Variants in HDAC9 observed in about 807,000 individuals in gnomAD.
HDAC9 encodes MEF-2 interacting transcription repressor (MITR) protein.
In HDAC9, 41 loss-of-function variants were observed where a neutral mutation model predicts 139.4. The observed-to-expected ratio is 0.29, with a 90% CI of 0.23 to 0.38. The LOEUF (loss-of-function observed/expected upper bound fraction) is 0.38, where lower values mean the gene tolerates loss of function less well. Among genes scored for constraint, HDAC9 ranks in the 10% least tolerant of loss-of-function variants. The probability of loss-of-function intolerance (pLI) is 1.00; values close to 1 mark genes in which losing one functional copy is unlikely to be tolerated. For synonymous variants in HDAC9, 517 were observed against 476.2 expected (o/e 1.09, Z -1.12); for missense variants, 1,147 against 1,297.0 (o/e 0.88, Z 1.78).
At chr7:18,891,680 C>T (rs1800694950) in intron 22 of HDAC9, among the ~76,000 whole-genome samples, 1 of 152,108 alleles carries the variant, frequency 6.6e-6, no homozygotes, top group South Asian at 2.1e-4. Flanking sequence ...AGATATTTAG[C>T]AATGGGAAAG....
intron 2 of HDAC9, chr7:18,509,152 G>T: frequency 2.5e-6 from 1 of 402,192 alleles, no homozygotes; most frequent in Non-Finnish European, 3.4e-6. Flanking sequence ...AAACATTTTT[G>T]AGGGACTGAC....
intron 12 of HDAC9, chr7:18,667,409 T>G: frequency 2.0e-6 from 2 of 983,504 alleles, no homozygotes; most frequent in Non-Finnish European, 2.4e-6. Context: ...CTCTTAAGTA[T>G]AATTCCATAA....
chr7:18,384,553 G>C (rs914032404), intron 1 of HDAC9, among the ~76,000 whole-genome samples: 3 of 151,780 alleles, frequency 2.0e-5, no homozygotes, highest in Non-Finnish European at 4.4e-5. Context: ...GCTTATTTTT[G>C]AATTCCCTTA....
intron 24 of HDAC9, among the ~76,000 whole-genome samples, chr7:18,964,042 C>T (rs977829575): frequency 2.0e-4 from 30 of 152,200 alleles, no homozygotes; most frequent in Admixed American, 5.9e-4. Context: ...GGACAAACAA[C>T]TTTCCCTAAC....
At chr7:18,433,231 G>A (rs1396842556) in intron 1 of HDAC9, among the ~76,000 whole-genome samples, 1 of 152,122 alleles carries the variant, frequency 6.6e-6, no homozygotes, top group Admixed American at 6.5e-5. Context: ...ACTAGGCATT[G>A]AAGGAACATA....
At chr7:18,401,544 T>C (rs1434640229) in intron 1 of HDAC9, among the ~76,000 whole-genome samples, 2 of 152,204 alleles carry the variant, frequency 1.3e-5, no homozygotes, top group African/African-American at 4.8e-5. Flanking sequence ...ATGGTGGTGA[T>C]CATGGTATTC....
At chr7:18,174,535 G>A (rs1478305702) in intron 2 of HDAC9, among the ~76,000 whole-genome samples, 1 of 152,160 alleles carries the variant, frequency 6.6e-6, no homozygotes, top group Middle Eastern at 3.2e-3. Context: ...GAGGTGCTCT[G>A]GATTTTAGAA....
chr7:18,325,691 TAATA>T (rs1246779908), intron 1 of HDAC9: 1 of 151,876 alleles, frequency 6.6e-6, no homozygotes, highest in Non-Finnish European at 1.5e-5. Context: ...CAAAAAAAAA[TAATA>T]AAATAAGTGT....
intron 1 of HDAC9, among the ~76,000 whole-genome samples, chr7:18,089,055 A>G (rs991093053): frequency 2.0e-5 from 3 of 152,370 alleles, no homozygotes; most frequent in South Asian, 2.1e-4. Flanking sequence ...GACCTTTGAT[A>G]AACTGCCAGC....
At chr7:18,747,491 A>G (rs1048284609) in intron 13 of HDAC9, among the ~76,000 whole-genome samples, 3 of 152,216 alleles carry the variant, frequency 2.0e-5, no homozygotes, top group Admixed American at 2.0e-4. Context: ...ACAATGGCAG[A>G]TCTTGATGTC....
At chr7:18,176,643 TA>T (rs1399853328) in intron 2 of HDAC9, among the ~76,000 whole-genome samples, 3 of 152,208 alleles carry the variant, frequency 2.0e-5, no homozygotes, top group Non-Finnish European at 4.4e-5. Context: ...TCTGTTTGGG[TA>T]ATTTTTTAAA....
At chr7:18,400,286 G>A (rs1787418021) in intron 1 of HDAC9, among the ~76,000 whole-genome samples, 1 of 152,166 alleles carries the variant, frequency 6.6e-6, no homozygotes, top group Non-Finnish European at 1.5e-5. Context: ...GTGTGAGAGA[G>A]GTTTTGGATT....
intron 16 of HDAC9, among the ~76,000 whole-genome samples, chr7:18,788,803 G>A (rs1010035047): frequency 4.0e-5 from 6 of 149,408 alleles, no homozygotes; most frequent in African/African-American, 9.8e-5. Context: ...AAGGCTCACC[G>A]ACCATTTTGT....
intron 1 of HDAC9, chr7:18,325,411 G>A (rs894987314): frequency 1.3e-5 from 2 of 152,036 alleles, no homozygotes; most frequent in Non-Finnish European, 2.9e-5. Flanking sequence ...ACCATTACAA[G>A]TTACTAGAAC....
chr7:18,434,740 A>G (rs13235862), intron 1 of HDAC9, among the ~76,000 whole-genome samples: 4 of 152,176 alleles, frequency 2.6e-5, no homozygotes, highest in Non-Finnish European at 5.9e-5. Context: ...TCAAAAAATA[A>G]CAAATGCTGA....
chr7:18,345,918 A>G (rs1769592858), intron 1 of HDAC9, among the ~76,000 whole-genome samples: 1 of 152,054 alleles, frequency 6.6e-6, no homozygotes, highest in Admixed American at 6.6e-5. Context: ...TTTCTCTTCA[A>G]GGAGCCGCAT....
chr7:18,339,339 G>T (rs556066211), intron 1 of HDAC9, among the ~76,000 whole-genome samples: 2 of 150,800 alleles, frequency 1.3e-5, no homozygotes, highest in Admixed American at 1.3e-4. Context: ...TTCTAGTTTC[G>T]TAAAGTGGAA....
intron 16 of HDAC9, among the ~76,000 whole-genome samples, chr7:18,787,414 G>C (rs991911947): frequency 6.6e-6 from 1 of 152,166 alleles, no homozygotes; most frequent in Non-Finnish European, 1.5e-5. Context: ...TGAACTTTGG[G>C]ATGCCTATTT....
chr7:18,613,297 A>C (rs1391209934), intron 6 of HDAC9, among the ~76,000 whole-genome samples: 2 of 151,978 alleles, frequency 1.3e-5, no homozygotes, highest in African/African-American at 4.8e-5. Context: ...TCGTTTTCAC[A>C]GTTGTCCCTT....
Sources: gnomAD v4.1 joint callset for allele counts (sites outside exome capture counted in the v4.1 genomes callset) on GRCh38, gnomAD v4.1.1 for gene constraint, MANE v1.5 for transcripts, NCBI Gene and HGNC (gene_info 2026-07-23, HGNC 2026-07-21) for gene names.